Variants in SGCZ observed in about 807,000 individuals in gnomAD.
SGCZ encodes zeta-sarcoglycan.
SGCZ carries 40 observed loss-of-function variants against 41.3 expected under a neutral mutation model. The ratio of observed to expected loss-of-function variants is 0.97; its 90% CI spans 0.75 to 1.26. The LOEUF is 1.26. Ranked by LOEUF, SGCZ falls within the 50% of genes most tolerant of loss-of-function variation. The probability of loss-of-function intolerance (pLI) is 0.00; values close to 1 mark genes in which losing one functional copy is unlikely to be tolerated. For missense variants in SGCZ, 552 were observed against 369.8 expected (o/e 1.49, Z -4.04); for synonymous variants, 206 against 137.5 (o/e 1.50, Z -3.49).
At chr8:14,099,422 T>C (rs564410358) in intron 7 of SGCZ, among the ~76,000 whole-genome samples, 2 of 152,152 alleles carry the variant, frequency 1.3e-5, no homozygotes, top group East Asian at 3.9e-4. Flanking sequence ...GGCCCGGGAC[T>C]CACAAAACAA....
chr8:15,054,818 C>G (rs972556241), intron 1 of SGCZ, among the ~76,000 whole-genome samples: 1 of 151,682 alleles, frequency 6.6e-6, no homozygotes, highest in Non-Finnish European at 1.5e-5. Context: ...AAAAATTAGC[C>G]GGGCATTCTG....
At chr8:15,141,685 C>T (rs776200471) in intron 1 of SGCZ, among the ~76,000 whole-genome samples, 4 of 152,090 alleles carry the variant, frequency 2.6e-5, no homozygotes, top group African/African-American at 7.2e-5. Flanking sequence ...GGGAGGATCA[C>T]GAGGTCAGGA....
intron 4 of SGCZ, among the ~76,000 whole-genome samples, chr8:14,212,480 A>C (rs1805843829): frequency 6.6e-6 from 1 of 151,714 alleles, no homozygotes; most frequent in Admixed American, 6.6e-5. Flanking sequence ...AAAAAAAAAA[A>C]AAAAAAAAAA....
intron 1 of SGCZ, among the ~76,000 whole-genome samples, chr8:14,705,038 T>C (rs1260597249): frequency 6.6e-6 from 1 of 152,014 alleles, no homozygotes; most frequent in Non-Finnish European, 1.5e-5. Flanking sequence ...AAACCACAGA[T>C]TTTTATTGTT....
chr8:15,025,008 C>T (rs1803402306), intron 1 of SGCZ, among the ~76,000 whole-genome samples: 1 of 151,524 alleles, frequency 6.6e-6, no homozygotes, highest in African/African-American at 2.4e-5. Flanking sequence ...AAGCAAAGTC[C>T]TGAGCAAAGA....
At chr8:14,776,082 T>C (rs1800392442) in intron 1 of SGCZ, among the ~76,000 whole-genome samples, 1 of 152,158 alleles carries the variant, frequency 6.6e-6, no homozygotes, top group African/African-American at 2.4e-5. Context: ...AAAATGGTGA[T>C]ACTGGAAGAG....
chr8:14,610,188 A>G (rs1415338183), intron 1 of SGCZ, among the ~76,000 whole-genome samples: 1 of 152,106 alleles, frequency 6.6e-6, no homozygotes, highest in Non-Finnish European at 1.5e-5. Context: ...AGTGGCCCCA[A>G]CCTATATTAC....
chr8:15,045,589 T>A (rs1012706202), intron 1 of SGCZ, among the ~76,000 whole-genome samples: 2 of 152,102 alleles, frequency 1.3e-5, no homozygotes, highest in African/African-American at 4.8e-5. Context: ...TTTCAGTTTA[T>A]CTCTTATTAT....
chr8:15,060,778 G>A (rs183286981), intron 1 of SGCZ, among the ~76,000 whole-genome samples: 6 of 152,156 alleles, frequency 3.9e-5, no homozygotes, highest in Non-Finnish European at 8.8e-5. Context: ...CTTCTAAAGA[G>A]GGTTGTTTTG....
intron 1 of SGCZ, among the ~76,000 whole-genome samples, chr8:15,057,450 G>T (rs912462647): frequency 1.3e-5 from 2 of 152,070 alleles, no homozygotes; most frequent in Admixed American, 6.5e-5. Context: ...AATCATCAAA[G>T]GTTCCCCCAT....
chr8:15,114,762 T>G (rs1479975927), intron 1 of SGCZ, among the ~76,000 whole-genome samples: 2 of 151,676 alleles, frequency 1.3e-5, no homozygotes, highest in African/African-American at 2.4e-5. Context: ...TTTTGTTTTT[T>G]TTTTTTTCAG....
At chr8:14,107,091 C>T (rs1802227531) in intron 6 of SGCZ, among the ~76,000 whole-genome samples, 1 of 151,960 alleles carries the variant, frequency 6.6e-6, no homozygotes, top group Non-Finnish European at 1.5e-5. Context: ...TGGCGGGCGC[C>T]TGTAGTCCTA....
intron 5 of SGCZ, among the ~76,000 whole-genome samples, chr8:14,134,496 G>C (rs147529104): frequency 6.6e-6 from 1 of 152,168 alleles, no homozygotes. Context: ...AACTGTGCCT[G>C]TAATTTCCTG....
intron 1 of SGCZ, among the ~76,000 whole-genome samples, chr8:14,975,809 A>ATATATATGTGTGTG (rs1181919961): frequency 2.7e-4 from 35 of 131,890 alleles, no homozygotes; most frequent in South Asian, 1.1e-3. Flanking sequence ...ATATATATAT[A>ATATATATGTGTGTG]TGTGTGTGTG....
chr8:15,208,589 T>C (rs1012626705), intron 1 of SGCZ, among the ~76,000 whole-genome samples: 2 of 152,174 alleles, frequency 1.3e-5, no homozygotes, highest in African/African-American at 4.8e-5. Context: ...ATGATAATTA[T>C]CTCACTGAAA....
intron 5 of SGCZ, among the ~76,000 whole-genome samples, chr8:14,140,987 G>A (rs1246390535): frequency 6.6e-6 from 1 of 152,094 alleles, no homozygotes; most frequent in African/African-American, 2.4e-5. Context: ...TAGACCAATG[G>A]AACAGGACAG....
intron 1 of SGCZ, among the ~76,000 whole-genome samples, chr8:14,609,636 A>G (rs914358822): frequency 3.3e-5 from 5 of 152,308 alleles, no homozygotes; most frequent in Admixed American, 1.3e-4. Flanking sequence ...TTGACACATC[A>G]TTCTAAAAGC....
At chr8:14,752,464 C>A (rs1388226682) in intron 1 of SGCZ, among the ~76,000 whole-genome samples, 1 of 152,058 alleles carries the variant, frequency 6.6e-6, no homozygotes, top group African/African-American at 2.4e-5. Flanking sequence ...TTTCATTATT[C>A]TCTTTTTATT....
intron 2 of SGCZ, among the ~76,000 whole-genome samples, chr8:14,417,170 G>T (rs1434205360): frequency 6.6e-6 from 1 of 151,764 alleles, no homozygotes; most frequent in East Asian, 1.9e-4. Context: ...AGTTTCTGCT[G>T]GGAAAGTAAT....
Sources: allele counts gnomAD v4.1 joint callset (sites outside exome capture counted in the v4.1 genomes callset), GRCh38; gene constraint gnomAD v4.1.1; transcripts MANE v1.5; gene names NCBI Gene and HGNC (gene_info 2026-07-23, HGNC 2026-07-21).